Variants in BCAR3 observed in about 807,000 individuals in gnomAD.
BCAR3 encodes breast cancer anti-estrogen resistance protein 3.
In BCAR3, 37 loss-of-function variants were observed where a neutral mutation model predicts 80.1. The observed-to-expected ratio is 0.46, with a 90% CI of 0.36 to 0.61. BCAR3 has a LOEUF of 0.61. Among genes scored for constraint, BCAR3 ranks in the 20% least tolerant of loss-of-function variants. The pLI, the probability that BCAR3 is intolerant of heterozygous loss-of-function variation, is 0.00. For synonymous variants in BCAR3, 389 were observed against 418.9 expected, an observed-to-expected ratio of 0.93 and a Z score of 0.87; for missense variants, 978 against 1,068.2, an observed-to-expected ratio of 0.92 and a Z score of 1.18.
intron 2 of BCAR3, among the ~76,000 whole-genome samples, chr1:93,783,132 T>A (rs1246268614): frequency 6.6e-6 from 1 of 152,184 alleles, no homozygotes; most frequent in East Asian, 1.9e-4. Context: ...CAATTTAGTA[T>A]TATATAATAA....
upstream of BCAR3, among the ~76,000 whole-genome samples, chr1:93,685,820 C>T (rs1046204539): frequency 6.6e-6 from 1 of 152,052 alleles, no homozygotes; most frequent in South Asian, 2.1e-4. Context: ...TTTTTGTCAA[C>T]TTGATAAGTA....
At chr1:93,587,071 A>G (rs1237536471) in intron 5 of BCAR3, among the ~76,000 whole-genome samples, 1 of 152,230 alleles carries the variant, frequency 6.6e-6, no homozygotes, top group Non-Finnish European at 1.5e-5. Flanking sequence ...CACCATGCCC[A>G]GCCCATTTGT....
chr1:93,742,821 AC>A (rs1379020667), intron 2 of BCAR3, among the ~76,000 whole-genome samples: 1 of 152,162 alleles, frequency 6.6e-6, no homozygotes, highest in Non-Finnish European at 1.5e-5. Context: ...CAAACAACAA[AC>A]CCACATATAA....
chr1:93,578,343 T>C (rs1412229763), intron 7 of BCAR3, among the ~76,000 whole-genome samples: 1 of 152,152 alleles, frequency 6.6e-6, no homozygotes, highest in Non-Finnish European at 1.5e-5. Context: ...AACTCAACTG[T>C]AAAGTGCCTT....
intron 10 of BCAR3, 34 bp downstream of exon 10, chr1:93,567,706 G>T: frequency 6.3e-7 from 1 of 1,578,738 alleles, no homozygotes; most frequent in South Asian, 1.1e-5. Context: ...TCCCCAGCGG[G>T]GTAGCCCCAT....
intron 2 of BCAR3, among the ~76,000 whole-genome samples, chr1:93,748,440 C>T (rs932315477): frequency 6.6e-6 from 1 of 152,194 alleles, no homozygotes; most frequent in Non-Finnish European, 1.5e-5. Flanking sequence ...AGAACTGTTT[C>T]CACCTAGAAG....
intron 2 of BCAR3, among the ~76,000 whole-genome samples, chr1:93,796,623 G>T (rs1045285039): frequency 5.3e-5 from 8 of 151,996 alleles, no homozygotes; most frequent in Non-Finnish European, 1.2e-4. Context: ...CTTCTGCGTC[G>T]CTCACGCTGG....
At chr1:93,676,173 T>C (rs1648478676) in intron 1 of BCAR3, among the ~76,000 whole-genome samples, 2 of 151,992 alleles carry the variant, frequency 1.3e-5, no homozygotes, top group African/African-American at 2.4e-5. Flanking sequence ...TGCATGAAAA[T>C]CCTCACTTAA....
intron 3 of BCAR3, among the ~76,000 whole-genome samples, chr1:93,699,322 G>T (rs937200562): frequency 6.6e-5 from 10 of 152,302 alleles, no homozygotes; most frequent in African/African-American, 2.2e-4. Flanking sequence ...AACAGAAAAA[G>T]TTTGAAGAGT....
At chr1:93,782,295 G>T (rs1250198474) in intron 2 of BCAR3, among the ~76,000 whole-genome samples, 2 of 152,176 alleles carry the variant, frequency 1.3e-5, no homozygotes, top group Non-Finnish European at 2.9e-5. Context: ...ATGTTCCTGG[G>T]GACCACTTGG....
At chr1:93,767,472 C>T (rs1417563177) in intron 2 of BCAR3, among the ~76,000 whole-genome samples, 2 of 148,620 alleles carry the variant, frequency 1.3e-5, no homozygotes, top group Non-Finnish European at 3.0e-5. Context: ...TGCAGTGAGC[C>T]GTGATCACAC....
intron 2 of BCAR3, among the ~76,000 whole-genome samples, chr1:93,776,716 C>T (rs1316368388): frequency 6.6e-6 from 1 of 152,144 alleles, no homozygotes; most frequent in East Asian, 1.9e-4. Context: ...GTACTCTCTA[C>T]TTCCTGTAAA....
At chr1:93,720,745 C>T (rs1650364329) in intron 2 of BCAR3, among the ~76,000 whole-genome samples, 1 of 152,230 alleles carries the variant, frequency 6.6e-6, no homozygotes, top group Non-Finnish European at 1.5e-5. Context: ...GGAGGATGCT[C>T]CCCGGAGCCA....
chr1:93,638,163 C>T (rs1368716537), intron 3 of BCAR3, among the ~76,000 whole-genome samples: 5 of 152,130 alleles, frequency 3.3e-5, no homozygotes, highest in Non-Finnish European at 5.9e-5. Flanking sequence ...GCAGGATAAT[C>T]GCTTGAACCT....
upstream of BCAR3, among the ~76,000 whole-genome samples, chr1:93,683,131 C>T (rs181971779): frequency 3.9e-5 from 6 of 152,250 alleles, no homozygotes; most frequent in East Asian, 5.8e-4. Flanking sequence ...AGAACACCTA[C>T]GGATCAGCCA....
intron 3 of BCAR3, among the ~76,000 whole-genome samples, chr1:93,632,351 G>A (rs967201732): frequency 2.6e-5 from 4 of 152,162 alleles, no homozygotes; most frequent in Non-Finnish European, 5.9e-5. Context: ...CTTAACAATG[G>A]TTCCACTGAT....
chr1:93,675,056 T>C, intron 1 of BCAR3, 115 bp from the exon 2 acceptor site: 2 of 838,260 alleles, frequency 2.4e-6, no homozygotes, highest in Non-Finnish European at 3.5e-6. Flanking sequence ...TCACAGACCA[T>C]TAACAGATCA....
At chr1:93,642,830 T>G (rs1460783270) in intron 2 of BCAR3, among the ~76,000 whole-genome samples, 1 of 152,214 alleles carries the variant, frequency 6.6e-6, no homozygotes, top group East Asian at 1.9e-4. Context: ...GCCTGGGTGA[T>G]GGAGGGAACG....
At chr1:93,750,430 T>C (rs1049252366) in intron 2 of BCAR3, among the ~76,000 whole-genome samples, 4 of 152,206 alleles carry the variant, frequency 2.6e-5, no homozygotes, top group Non-Finnish European at 4.4e-5. Context: ...ACTGTAAACA[T>C]TCTGTGAGCA....
Sources: gnomAD v4.1 joint callset for allele counts (sites outside exome capture counted in the v4.1 genomes callset) on GRCh38, gnomAD v4.1.1 for gene constraint, MANE v1.5 for transcripts, NCBI Gene and HGNC (gene_info 2026-07-23, HGNC 2026-07-21) for gene names.